SYNE2: variants seen among roughly 807,000 people sequenced by gnomAD.
SYNE2 encodes the protein nesprin-2.
A neutral mutation model predicts 856.3 loss-of-function variants in SYNE2; 431 were observed. That is an observed-to-expected ratio of 0.50 (90% CI 0.47 to 0.55). The LOEUF (loss-of-function observed/expected upper bound fraction) is 0.55. SYNE2 is among the 20% of genes least tolerant of loss of function. SYNE2 has a pLI of 0.00. For synonymous variants in SYNE2, 2,923 were observed against 2,872.3 expected, an observed-to-expected ratio of 1.02 and a Z score of -0.56; for missense variants, 8,129 against 8,023.2, an observed-to-expected ratio of 1.01 and a Z score of -0.50.
chr14:64,142,201 G>T (rs1595803048), intron 82 of SYNE2, 113 bp downstream of exon 82: 2 of 1,254,800 alleles, frequency 1.6e-6, no homozygotes, highest in East Asian at 2.5e-5. Flanking sequence ...TAATTCTAGG[G>T]GTAGGAAACT....
chr14:64,150,523 G>A (rs1388902459), intron 84 of SYNE2, among the ~76,000 whole-genome samples: 1 of 151,134 alleles, frequency 6.6e-6, no homozygotes, highest in Non-Finnish European at 1.5e-5. Flanking sequence ...GCCCGGCATG[G>A]CTGTTGTTTA....
intron 104 of SYNE2, among the ~76,000 whole-genome samples, chr14:64,212,305 G>A (rs1219487685): frequency 6.6e-6 from 1 of 152,168 alleles, no homozygotes; most frequent in East Asian, 1.9e-4. Context: ...CACCAGTGGG[G>A]CCAAGAACAG....
chr14:64,130,269 G>C (rs750530116), intron 76 of SYNE2, 21 bp downstream of exon 76: 2 of 1,595,600 alleles, frequency 1.3e-6, no homozygotes, highest in Non-Finnish European at 1.7e-6. Flanking sequence ...CACATGGGTC[G>C]GGTGACCCCT....
At position 64,049,615 on chromosome 14, in the gene SYNE2, T is replaced by C; in HGVS notation, c.7382T>C (p.Leu2461Ser). Residue 2461 changes from leucine to serine, a missense_variant, in exon 47 of 116, where the codon TTA becomes TCA. Leu to Ser is a moderately radical substitution (Grantham distance 145). Around this residue, in one of 3 missense-constraint regions of SYNE2, gnomAD observed 5,410 missense variants for 5,284.8 expected, o/e 1.02. Transcript: ENST00000555002. ...ATCTGTGTGACTTATTTTTAGAAAT[T>C]ATATACCCAGTTGGAAGCAAAGAAA... ...RNEQLEEIEK[L>S]YTQLEAKKAA... 1.2e-6 allele frequency: 2 copies of C among 1,613,966 alleles called. No individual in the cohort carries two copies. Among genetic ancestry groups the C allele is most frequent in the Middle Eastern group, 1.6e-4 (1 of 6,062 alleles).
intron 63 of SYNE2, chr14:64,100,339 C>G (rs2097711014): frequency 6.6e-6 from 1 of 150,788 alleles, no homozygotes; most frequent in Non-Finnish European, 1.5e-5. Context: ...AAAAAATTGA[C>G]AAGTAAAAAT....
intron 100 of SYNE2, among the ~76,000 whole-genome samples, chr14:64,205,912 C>CT (rs2098602960): frequency 1.3e-5 from 2 of 152,198 alleles, no homozygotes; most frequent in African/African-American, 4.8e-5. Flanking sequence ...CTGCCGTGGG[C>CT]CAGTTGAGCT....
intron 101 of SYNE2, chr14:64,209,194 A>C: frequency 1.2e-6 from 1 of 815,876 alleles, no homozygotes; most frequent in Non-Finnish European, 1.9e-6. Context: ...CTAGCTGGGC[A>C]GTAGTGGAGG....
chr14:64,107,281 G>A (rs2097777766), intron 64 of SYNE2, among the ~76,000 whole-genome samples: 1 of 152,220 alleles, frequency 6.6e-6, no homozygotes, highest in Admixed American at 6.5e-5. Context: ...AAGAAGAGAA[G>A]TGTGGAGAAT....
intron 31 of SYNE2, among the ~76,000 whole-genome samples, chr14:64,009,187 G>A (rs1318289725): frequency 6.6e-6 from 1 of 152,052 alleles, no homozygotes; most frequent in African/African-American, 2.4e-5. Flanking sequence ...CTGCCACATT[G>A]TCTCACTACC....
chr14:63,871,400 G>T (rs990456006), intron 1 of SYNE2, among the ~76,000 whole-genome samples: 9 of 151,952 alleles, frequency 5.9e-5, no homozygotes, highest in African/African-American at 1.7e-4. Context: ...TAGAGACGGG[G>T]TTTCTCCATG....
Position 64,089,773 on chromosome 14 carries a change from T to A in SYNE2, c.11793+77T>A, listed in dbSNP as rs2097593653. On this transcript the variant is annotated intron_variant, in intron 59 of 115. Coordinates refer to ENST00000555002, the MANE Select transcript of SYNE2 (RefSeq NM_182914.3). Reference sequence around the variant, plus strand: ...TTTTCAAAATATAATATAATGTGATTTAAAAAAGCATTTAGTCTTACCAGA... The same window carrying A: ...TTTTCAAAATATAATATAATGTGATATAAAAAAGCATTTAGTCTTACCAGA... The A allele has an allele frequency of 8.6e-6, 11 of 1,275,970 alleles. No individual in the cohort carries two copies. In the South Asian group the frequency reaches 1.2e-4, roughly 14 times the overall value. 79.0% of individuals were successfully genotyped at this position (1,275,970 alleles called of 1,614,324 possible).
chr14:64,161,422 C>T (rs1422129953), intron 87 of SYNE2, among the ~76,000 whole-genome samples: 3 of 151,714 alleles, frequency 2.0e-5, no homozygotes, highest in Non-Finnish European at 4.4e-5. Flanking sequence ...TCCTTTATTT[C>T]CACTTCTATG....
In SYNE2 at chr14:64,052,308, T is replaced by C; in HGVS notation, c.8395T>C (p.Tyr2799His). ...VKDKVPSLTT[Y>H]EGSDLNNTLE... ...AGATAAGGTTCCTAGCCTTACAACC[T>C]ATGAGGGCAGTGATTTAAATAATAC... is the stretch of plus-strand genomic sequence containing the variant. The change falls in exon 48 of 116, where the codon TAT (tyrosine) becomes CAT (histidine). Residue 2799 changes from tyrosine to histidine, a missense_variant. Coordinates refer to ENST00000555002, the MANE Select transcript of SYNE2 (RefSeq NM_182914.3). The C allele has an allele frequency of 6.2e-7, 1 of 1,614,184 alleles. No individual in the cohort carries two copies. Among genetic ancestry groups the C allele is most frequent in the Non-Finnish European group, 8.5e-7 (1 of 1,180,024 alleles).
intron 45 of SYNE2, among the ~76,000 whole-genome samples, chr14:64,040,983 T>A (rs1384779580): frequency 6.6e-6 from 1 of 152,018 alleles, no homozygotes; most frequent in African/African-American, 2.4e-5. Flanking sequence ...GAAAAAAGAT[T>A]ACCTCTAATA....
chr14:63,875,434 C>T (rs1019111098), intron 1 of SYNE2, among the ~76,000 whole-genome samples: 1 of 152,068 alleles, frequency 6.6e-6, no homozygotes, highest in African/African-American at 2.4e-5. Flanking sequence ...TTTAAAGATT[C>T]ACAATAACAA....
chr14:63,791,729 G>A (rs567371449), intron 1 of SYNE2, among the ~76,000 whole-genome samples: 1 of 152,200 alleles, frequency 6.6e-6, no homozygotes, highest in East Asian at 1.9e-4. Context: ...GGATCATGAG[G>A]TCAGGAGATT....
chr14:63,775,308 T>C (rs752543792), intron 1 of SYNE2, among the ~76,000 whole-genome samples: 4 of 151,970 alleles, frequency 2.6e-5, no homozygotes, highest in Non-Finnish European at 5.9e-5. Flanking sequence ...GGAGTCTCAC[T>C]CTGTTGCCCA....
chr14:63,863,542 C>T (rs1949206248), intron 1 of SYNE2, among the ~76,000 whole-genome samples: 2 of 152,090 alleles, frequency 1.3e-5, no homozygotes, highest in Admixed American at 1.3e-4. Context: ...CTTAATTGTA[C>T]ATTTCAACAA....
At chr14:63,999,482 G>T (rs1199407015) in intron 27 of SYNE2, among the ~76,000 whole-genome samples, 2 of 152,138 alleles carry the variant, frequency 1.3e-5, no homozygotes, top group African/African-American at 4.8e-5. Context: ...GTCTAAAATT[G>T]CTGTACAGTG....
Sources: gnomAD v4.1 joint callset for allele counts (sites outside exome capture counted in the v4.1 genomes callset) on GRCh38, gnomAD v4.1.1 for gene constraint, gnomAD v4.1.1 regional missense constraint, MANE v1.5 for transcripts, NCBI Gene and HGNC (gene_info 2026-07-23, HGNC 2026-07-21) for gene names.